Variants in PCBP3 observed in about 807,000 individuals in gnomAD.
PCBP3 encodes the protein poly(rC)-binding protein 3.
A neutral mutation model predicts 52.7 loss-of-function variants in PCBP3; 25 were observed. The ratio of observed to expected loss-of-function variants is 0.47; its 90% CI spans 0.35 to 0.66. PCBP3 has a LOEUF of 0.66. Ranked by LOEUF, PCBP3 falls within the 30% of genes least tolerant of loss-of-function variation. The pLI is 0.01. For synonymous variants in PCBP3, 162 were observed against 183.0 expected (o/e 0.89, Z 0.93); for missense variants, 391 against 490.3 (o/e 0.80, Z 1.91).
intron 2 of PCBP3, among the ~76,000 whole-genome samples, chr21:45,720,055 C>G (rs2084511017): frequency 6.6e-6 from 1 of 152,096 alleles, no homozygotes; most frequent in South Asian, 2.1e-4. Flanking sequence ...GCTGCTTGTA[C>G]TTTATTTAGG....
intron 1 of PCBP3, among the ~76,000 whole-genome samples, chr21:45,662,271 G>GTTTTTTTTTTTTTTTTTTTTTTTTTTTT (rs59220095): frequency 1.0e-5 from 1 of 97,274 alleles, no homozygotes; most frequent in Non-Finnish European, 1.9e-5. Flanking sequence ...ATATACCTAA[G>GTTTTTTTTTTTTTTTTTTTTTTTTTTTT]TTTTTTTTTT....
At chr21:45,890,019 T>C (rs1048099164) in intron 5 of PCBP3, among the ~76,000 whole-genome samples, 1 of 152,254 alleles carries the variant, frequency 6.6e-6, no homozygotes, top group Non-Finnish European at 1.5e-5. Context: ...GAGTGCTGTG[T>C]CCCTGACCTC....
At chr21:45,711,925 T>A (rs150083947) in intron 2 of PCBP3, among the ~76,000 whole-genome samples, 125 of 152,320 alleles carry the variant, frequency 8.2e-4, no homozygotes, top group African/African-American at 2.9e-3. Flanking sequence ...CTGTGCTTCA[T>A]CTCTTTATCT....
intron 5 of PCBP3, among the ~76,000 whole-genome samples, chr21:45,859,305 C>G (rs7278613): frequency 0.023 from 298 of 13,084 alleles, 2 homozygotes; most frequent in African/African-American, 0.11. Flanking sequence ...GGCCGGGAGG[C>G]GCTGTGCAGC....
At chr21:45,852,174 G>A (rs962978212) in intron 5 of PCBP3, among the ~76,000 whole-genome samples, 3 of 152,224 alleles carry the variant, frequency 2.0e-5, no homozygotes, top group South Asian at 2.1e-4. Context: ...ATTAAATAAT[G>A]TATACGTGTA....
chr21:45,873,392 C>T (rs1057057362), intron 5 of PCBP3: 3 of 152,156 alleles, frequency 2.0e-5, no homozygotes, highest in Non-Finnish European at 4.4e-5. Context: ...GTCAGTTGAC[C>T]CAAACAAAAT....
chr21:45,714,454 G>C (rs960237408), intron 2 of PCBP3, among the ~76,000 whole-genome samples: 2 of 151,958 alleles, frequency 1.3e-5, no homozygotes, highest in Non-Finnish European at 2.9e-5. Context: ...ACACACACAT[G>C]CATATGCAGA....
chr21:45,869,834 G>A (rs997193263), intron 5 of PCBP3, among the ~76,000 whole-genome samples: 1 of 152,230 alleles, frequency 6.6e-6, no homozygotes, highest in African/African-American at 2.4e-5. Flanking sequence ...AGCTGCGTAT[G>A]CATTCCCTCG....
intron 17 of PCBP3, 50 bp from the exon 18 acceptor site, chr21:45,941,620 A>G: frequency 6.5e-7 from 1 of 1,548,432 alleles, no homozygotes; most frequent in South Asian, 1.2e-5. Context: ...CCCACTGATG[A>G]GGGCGTTGGT....
chr21:45,881,781 T>G (rs558776879), intron 5 of PCBP3, among the ~76,000 whole-genome samples: 13 of 152,306 alleles, frequency 8.5e-5, no homozygotes, highest in Non-Finnish European at 1.5e-4. Flanking sequence ...ATGCACTTTT[T>G]TAGATTCCAC....
chr21:45,922,414 G>A (rs2074568844), intron 13 of PCBP3, among the ~76,000 whole-genome samples: 1 of 152,026 alleles, frequency 6.6e-6, no homozygotes, highest in South Asian at 2.1e-4. Flanking sequence ...AATTAACTGG[G>A]TGTGGTGGCA....
At chr21:45,678,331 AAAAT>A (rs1285252694) in intron 2 of PCBP3, among the ~76,000 whole-genome samples, 121 of 151,960 alleles carry the variant, frequency 8.0e-4, no homozygotes, top group African/African-American at 2.7e-3. Context: ...TAATAATAAT[AAAAT>A]AAATAAATAC....
intron 4 of PCBP3, among the ~76,000 whole-genome samples, chr21:45,796,722 G>T (rs1024821877): frequency 4.6e-5 from 7 of 152,002 alleles, no homozygotes; most frequent in African/African-American, 1.7e-4. Flanking sequence ...CTTGATTATG[G>T]TTTTTGTCTT....
chr21:45,652,552 A>G (rs182530955), intron 1 of PCBP3, among the ~76,000 whole-genome samples: 37 of 150,152 alleles, frequency 2.5e-4, no homozygotes, highest in Admixed American at 2.3e-3. Flanking sequence ...GCAGTTCTTC[A>G]TGCCTCAGGC....
chr21:45,727,826 G>A (rs902129403), intron 2 of PCBP3, among the ~76,000 whole-genome samples: 3 of 152,164 alleles, frequency 2.0e-5, no homozygotes, highest in African/African-American at 7.2e-5. Flanking sequence ...GTCCCTCCAG[G>A]TCAGCAAGCC....
chr21:45,908,508 G>C (rs926927122), intron 9 of PCBP3, among the ~76,000 whole-genome samples: 8 of 152,218 alleles, frequency 5.3e-5, no homozygotes, highest in Admixed American at 6.5e-5. Context: ...TTTTCGTGGA[G>C]AGCAAATCCT....
intron 9 of PCBP3, among the ~76,000 whole-genome samples, chr21:45,906,259 G>C (rs776627318): frequency 6.6e-5 from 10 of 152,162 alleles, no homozygotes; most frequent in African/African-American, 9.7e-5. Flanking sequence ...TTTCGGTTCA[G>C]TACCCCTAGG....
chr21:45,875,913 A>G (rs1169971718), intron 5 of PCBP3, among the ~76,000 whole-genome samples: 2 of 152,088 alleles, frequency 1.3e-5, no homozygotes, highest in Admixed American at 6.6e-5. Flanking sequence ...CCCACAGCCA[A>G]TTTCTCCACC....
intron 2 of PCBP3, among the ~76,000 whole-genome samples, chr21:45,701,981 C>T (rs1277082686): frequency 6.6e-6 from 1 of 152,218 alleles, no homozygotes; most frequent in African/African-American, 2.4e-5. Context: ...CTATGTCCTT[C>T]TGCATTAATC....
Sources: allele counts gnomAD v4.1 joint callset (sites outside exome capture counted in the v4.1 genomes callset), GRCh38; gene constraint gnomAD v4.1.1; transcripts MANE v1.5; gene names NCBI Gene and HGNC (gene_info 2026-07-23, HGNC 2026-07-21).